LRP8: variants seen among roughly 807,000 people sequenced by gnomAD.
LRP8 encodes LDL receptor related protein 8, also known as low-density lipoprotein receptor-related protein 8.
A neutral mutation model predicts 111.6 loss-of-function variants in LRP8; 46 were observed. The observed-to-expected ratio is 0.41, with a 90% CI of 0.33 to 0.53. The LOEUF (loss-of-function observed/expected upper bound fraction) is 0.53, where lower values mean the gene tolerates loss of function less well. Among genes scored for constraint, LRP8 ranks in the 20% least tolerant of loss-of-function variants. LRP8 has a pLI of 0.20. For synonymous variants in LRP8, 464 were observed against 511.2 expected (o/e 0.91, Z 1.24); for missense variants, 959 against 1,297.4 (o/e 0.74, Z 4.01).
chr1:53,243,697 C>CT lies in LRP8; in HGVS notation c.*3320dup, dbSNP rs1645680771. On this transcript the variant is annotated 3_prime_UTR_variant, in exon 19 of 19. Coordinates refer to ENST00000306052, the MANE Select transcript of LRP8 (RefSeq NM_004631.5). ...AAAGTCCCTGTGCTCTTTCATACCT[C>CT]TGTGTTTTAGCTCGATGTGTCTCTG... The CT allele has an allele frequency of 6.6e-6, 1 of 152,214 alleles. No individual in the cohort carries two copies. The highest frequency in any genetic ancestry group is 2.4e-5 in the African/African-American group (1 of 41,440). The allele number at this position is 152,214 out of a possible 1,614,324, so 9.4% of individuals were successfully genotyped here. A position where few individuals can be genotyped will look rare whatever the true frequency, so the allele number is the denominator to read the frequency against.
chr1:53,261,716 G>A (rs538909072), intron 12 of LRP8, among the ~76,000 whole-genome samples: 1 of 152,300 alleles, frequency 6.6e-6, no homozygotes, highest in South Asian at 2.1e-4. Flanking sequence ...ATGATTCTAA[G>A]GATATGTATG....
chr1:53,265,472 A>G (rs1329313822), intron 9 of LRP8, among the ~76,000 whole-genome samples: 1 of 152,124 alleles, frequency 6.6e-6, no homozygotes, highest in East Asian at 1.9e-4. Context: ...GAACAGCACC[A>G]CCATTCATGA....
chr1:53,260,720 T>C, intron 12 of LRP8, 115 bp from the exon 13 acceptor site: 1 of 1,036,098 alleles, frequency 9.7e-7, no homozygotes, highest in South Asian at 1.5e-5. Context: ...TCCCCTGATC[T>C]GTCCTGTCTA....
rs1292409295 is a variant in LRP8 at position 53,317,071 on chromosome 1, C to CA, written c.244+9801dup. On this transcript the variant is annotated intron_variant, in intron 2 of 18. Coordinates refer to ENST00000306052, the MANE Select transcript of LRP8 (RefSeq NM_004631.5). This position sits in a 1 kb window ranked among gnomAD's most constrained non-coding sequence, Gnocchi z 4.9. ...AGCCCCTCCTCTGAAGCACACACCC[C>CA]AAGCACACGCACATGTGCCCATGCC... is the stretch of plus-strand genomic sequence containing the variant. Among the ~76,000 whole-genome samples the CA allele has an allele frequency of 6.6e-6, 1 of 151,996 alleles. No individual in the cohort carries two copies. The highest frequency in any genetic ancestry group is 1.5e-5 in the Non-Finnish European group (1 of 67,968).
In LRP8 at chr1:53,276,737, C is replaced by G; in HGVS notation, c.838G>C (p.Asp280His). 1.3e-6 allele frequency: 2 copies of G among 1,516,138 alleles called. No homozygotes were observed. The highest frequency in any genetic ancestry group is 2.4e-5 in the South Asian group (2 of 84,486). The allele number at this position is 1,516,138 out of a possible 1,614,324, so 93.9% of individuals were successfully genotyped here. Reference protein sequence around the residue: ...GECVHLGWRCDGDRDCKDKSD... With the variant: ...GECVHLGWRCHGDRDCKDKSD... ...TTGTCTTTGCAGTCGCGGTCGCCGTCGCAGCGCCAGCCCAGGTGCACGCAC... is the reference window on the plus strand; with the variant it reads ...TTGTCTTTGCAGTCGCGGTCGCCGTGGCAGCGCCAGCCCAGGTGCACGCAC... Residue 280 changes from aspartate to histidine, a missense_variant, in exon 5 of 19, where the codon GAC becomes CAC. This residue lies in a region of LRP8 where 819 missense variants were observed against 1,097.6 expected (regional missense o/e 0.75). Transcript: ENST00000306052.
chr1:53,249,412 G>T lies in LRP8; in HGVS notation c.2821C>A (p.Pro941Thr). ...RSQLHQLPKN[P>T]LSELPVVKSK... ...TTGACGACAGGCAGCTCGGAAAGAG[G>T]GTTCTTCGGGAGTTGGTGCAGCTGT... Residue 941 changes from proline (P) to threonine (T), a missense_variant, in exon 18 of 19, where the codon CCT becomes ACT. Coordinates refer to ENST00000306052, the MANE Select transcript of LRP8 (RefSeq NM_004631.5). The surrounding 1 kb of genome is among the most constrained non-coding windows in gnomAD (Gnocchi z 4.1). 1.9e-6 allele frequency: 3 copies of T among 1,614,218 alleles called. No homozygotes were observed. The highest frequency in any genetic ancestry group is 8.5e-7 in the Non-Finnish European group (1 of 1,180,026).
In LRP8 at chr1:53,317,531, C is replaced by A. The variant is rs1653964037; in HGVS notation, c.244+9342G>T. The stretch of plus-strand genomic sequence containing the variant: ...TCCCAACTGGCCAGTTGACCTAAAT[C>A]TCTCCTGCTGCTATTTTGCTGCTGC... On this transcript the variant is annotated intron_variant, in intron 2 of 18. Coordinates refer to ENST00000306052, the MANE Select transcript of LRP8 (RefSeq NM_004631.5). The surrounding 1 kb of genome is among the most constrained non-coding windows in gnomAD (Gnocchi z 4.9). Among the ~76,000 whole-genome samples, 1 of 152,194 alleles carries A rather than the reference C, an allele frequency of 6.6e-6. No individual in the cohort carries two copies. The highest frequency in any genetic ancestry group is 2.4e-5 in the African/African-American group (1 of 41,444).
In LRP8 at chr1:53,275,613, T is replaced by C; in HGVS notation, c.1006+18A>G. The C allele has an allele frequency of 1.9e-6, 3 of 1,613,738 alleles. No individual in the cohort carries two copies. Among genetic ancestry groups the C allele is most frequent in the Non-Finnish European group, 2.5e-6 (3 of 1,179,810 alleles). On this transcript the variant is annotated intron_variant, in intron 6 of 18. Transcript: ENST00000306052. This position sits in a 1 kb window ranked among gnomAD's most constrained non-coding sequence, Gnocchi z 4.4. The stretch of plus-strand genomic sequence containing the variant: ...GCATCCTCACAGAGGATGTGTTCTG[T>C]GCCCTGACCACACGCACCCTGTAGG...
intron 3 of LRP8, chr1:53,288,351 C>T (rs894247032): frequency 1.3e-5 from 2 of 152,266 alleles, no homozygotes; most frequent in Non-Finnish European, 2.9e-5. Context: ...GGCTTTGTTC[C>T]TTCTGAAGCT....
chr1:53,311,500 C>T (rs1237313518), intron 2 of LRP8, among the ~76,000 whole-genome samples: 1 of 152,102 alleles, frequency 6.6e-6, no homozygotes, highest in Non-Finnish European at 1.5e-5. Flanking sequence ...AGCCTCTTGG[C>T]ACTAGCTCTC....
In LRP8 at chr1:53,266,952, A is replaced by G; in HGVS notation, c.1253-305T>C. 1 of 304,198 alleles carries G rather than the reference A, an allele frequency of 3.3e-6. No homozygotes were observed. The highest frequency in any genetic ancestry group is 6.3e-6 in the Non-Finnish European group (1 of 158,000). The allele number at this position is 304,198 out of a possible 1,614,324, so 18.8% of individuals were successfully genotyped here. A position where few individuals can be genotyped will look rare whatever the true frequency, so the allele number is the denominator to read the frequency against. On this transcript the variant is annotated intron_variant, in intron 8 of 18. Coordinates refer to ENST00000306052, the MANE Select transcript of LRP8 (RefSeq NM_004631.5). The surrounding 1 kb of genome is among the most constrained non-coding windows in gnomAD (Gnocchi z 5.0). ...GAAAGCCTTCCACAGTGTGACCCCA[A>G]GTTCCCTGTCCAGCCTCATTACTCG...
intron 2 of LRP8, among the ~76,000 whole-genome samples, chr1:53,308,630 T>C (rs977598712): frequency 6.6e-6 from 1 of 152,158 alleles, no homozygotes; most frequent in African/African-American, 2.4e-5. Flanking sequence ...TCCCCCATCC[T>C]CACCGCCCGG....
At chr1:53,295,527 AG>A (rs1198096612) in intron 2 of LRP8, among the ~76,000 whole-genome samples, 1 of 152,148 alleles carries the variant, frequency 6.6e-6, no homozygotes, top group Non-Finnish European at 1.5e-5. Flanking sequence ...AAAAAAACCC[AG>A]GGCTCCAGGC....
At chr1:53,288,574 G>A (rs1648019400) in intron 3 of LRP8, 1 of 152,160 alleles carries the variant, frequency 6.6e-6, no homozygotes, top group African/African-American at 2.4e-5. Context: ...TGTGGAGACT[G>A]GTAGCTCTGT....
At chr1:53,272,952 A>G (rs960170427) in intron 6 of LRP8, among the ~76,000 whole-genome samples, 1 of 152,312 alleles carries the variant, frequency 6.6e-6, no homozygotes, top group Non-Finnish European at 1.5e-5. Context: ...ATGAAGTGGC[A>G]TGTGTAGGTG....
Position 53,275,727 on chromosome 1 carries a change from A to G in LRP8, c.910T>C (p.Phe304Leu), listed in dbSNP as rs1646896365. The G allele has an allele frequency of 1.2e-6, 2 of 1,613,956 alleles. No individual in the cohort carries two copies. Among genetic ancestry groups the G allele is most frequent in the Admixed American group, 1.7e-5 (1 of 60,004 alleles). Residue 304 changes from phenylalanine to leucine, a missense_variant, in exon 6 of 19, where the codon TTC (phenylalanine) becomes CTC (leucine). Transcript: ENST00000306052. This position sits in a 1 kb window ranked among gnomAD's most constrained non-coding sequence, Gnocchi z 4.4. ...ACACATGTCCCATCCCCACACTGGAACTCGTCCCCACGGCAGGTGCCCAGT... is the reference window on the plus strand; with the variant it reads ...ACACATGTCCCATCCCCACACTGGAGCTCGTCCCCACGGCAGGTGCCCAGT... Reference protein sequence around the residue: ...CPLGTCRGDEFQCGDGTCVLA... With the variant: ...CPLGTCRGDELQCGDGTCVLA...
At chr1:53,327,584 C>T (rs1315735418) in intron 1 of LRP8, among the ~76,000 whole-genome samples, 1 of 152,222 alleles carries the variant, frequency 6.6e-6, no homozygotes, top group Non-Finnish European at 1.5e-5. Flanking sequence ...GATCCGCTGC[C>T]CAGAGGGCAG....
chr1:53,272,286 C>T (rs2100409275), intron 6 of LRP8, among the ~76,000 whole-genome samples: 1 of 152,248 alleles, frequency 6.6e-6, no homozygotes, highest in East Asian at 1.9e-4. Context: ...GTTCTGGTTC[C>T]CCATCCTCCA....
intron 16 of LRP8, 27 bp downstream of exon 16, chr1:53,255,089 CT>C: frequency 6.2e-7 from 1 of 1,611,878 alleles, no homozygotes; most frequent in East Asian, 2.2e-5. Flanking sequence ...TCTCTCTTTT[CT>C]CTTCAGTGAC....
Sources: gnomAD v4.1 joint callset for allele counts (sites outside exome capture counted in the v4.1 genomes callset) on GRCh38, gnomAD v4.1.1 for gene constraint, gnomAD v4.1.1 regional missense constraint, Gnocchi (gnomAD v3.1) non-coding constraint, MANE v1.5 for transcripts, NCBI Gene and HGNC (gene_info 2026-07-23, HGNC 2026-07-21) for gene names.